The following CUX1 variants were observed in gnomAD, a reference collection of about 807,000 sequenced individuals.
CUX1 encodes the protein protein CASP.
Under a neutral mutation model 158.8 loss-of-function variants are expected in CUX1, and 31 were observed. The ratio of observed to expected loss-of-function variants is 0.20; its 90% CI spans 0.15 to 0.26. The LOEUF is 0.26. Among genes scored for constraint, CUX1 ranks in the 10% least tolerant of loss-of-function variants. The pLI, the probability that CUX1 is intolerant of heterozygous loss-of-function variation, is 1.00. For synonymous variants in CUX1, 879 were observed against 862.1 expected (o/e 1.02, Z -0.34); for missense variants, 1,589 against 2,014.6 (o/e 0.79, Z 4.04).
chr7:102,028,618 G>A (rs1238291824), intron 3 of CUX1, among the ~76,000 whole-genome samples: 1 of 152,224 alleles, frequency 6.6e-6, no homozygotes, highest in Non-Finnish European at 1.5e-5. Context: ...GCCACGAGGA[G>A]CAAGCCTAGG....
chr7:102,239,661 A>G (rs1799962905), intron 23 of CUX1, 77 bp downstream of exon 23: 1 of 1,521,604 alleles, frequency 6.6e-7, no homozygotes, highest in Admixed American at 2.0e-5. Context: ...GCCATGGCGC[A>G]CAGGGGTGAG....
intron 10 of CUX1, among the ~76,000 whole-genome samples, chr7:102,177,249 A>G (rs138073410): frequency 0.024 from 3,619 of 151,880 alleles, 73 homozygotes; most frequent in Non-Finnish European, 0.032. Flanking sequence ...CCCCATCTCT[A>G]CTAAAAATAC....
intron 2 of CUX1, among the ~76,000 whole-genome samples, chr7:101,995,627 G>A (rs1022769735): frequency 1.3e-5 from 2 of 152,168 alleles, no homozygotes; most frequent in African/African-American, 2.4e-5. Context: ...TCTTTTAGAC[G>A]ATAGTTGTCA....
intron 3 of CUX1, among the ~76,000 whole-genome samples, chr7:102,066,703 A>T (rs921232034): frequency 2.6e-5 from 4 of 152,330 alleles, no homozygotes; most frequent in African/African-American, 7.2e-5. Flanking sequence ...CTTCCTGGAC[A>T]GACTCTGCTA....
intron 1 of CUX1, among the ~76,000 whole-genome samples, chr7:101,904,003 A>C (rs1443216366): frequency 6.6e-6 from 1 of 152,074 alleles, no homozygotes; most frequent in African/African-American, 2.4e-5. Context: ...GTCTAAAATC[A>C]AAATTTTAGC....
At chr7:102,105,307 A>G (rs1830221602) in intron 6 of CUX1, among the ~76,000 whole-genome samples, 1 of 151,950 alleles carries the variant, frequency 6.6e-6, no homozygotes, top group Non-Finnish European at 1.5e-5. Context: ...CTCACATATC[A>G]GGGAGTTAGT....
intron 2 of CUX1, among the ~76,000 whole-genome samples, chr7:101,927,716 T>G (rs1563020478): frequency 2.6e-5 from 4 of 152,142 alleles, no homozygotes; most frequent in African/African-American, 7.2e-5. Context: ...AGACCTTATT[T>G]TGTTTGTTTG....
chr7:102,192,272 CGTG>C (rs1191274162), intron 12 of CUX1, among the ~76,000 whole-genome samples: 2 of 152,180 alleles, frequency 1.3e-5, no homozygotes, highest in Admixed American at 1.3e-4. Flanking sequence ...GACACTGAGA[CGTG>C]GTCTCCAATC....
intron 2 of CUX1, among the ~76,000 whole-genome samples, chr7:101,970,665 C>T (rs927349484): frequency 3.5e-4 from 54 of 152,274 alleles, no homozygotes; most frequent in African/African-American, 1.2e-3. Context: ...AGGCATTGCT[C>T]CTGCCTCAGC....
Position 102,252,109 on chromosome 7 carries a change from C to A in CUX1, c.*3067C>A, listed in dbSNP as rs1365417129. On this transcript the variant is annotated 3_prime_UTR_variant, in exon 24 of 24. Coordinates refer to ENST00000292535, the MANE Select transcript of CUX1 (RefSeq NM_181552.4). ...GCTTGCAGTTCTGTGTATTTTTTTT[C>A]CTCTATTATTTATTTTTTTAAAAAA... 2.0e-6 allele frequency: 2 copies of A among 983,548 alleles called. No individual in the cohort carries two copies. The highest frequency in any genetic ancestry group is 2.4e-6 in the Non-Finnish European group (2 of 828,772). 60.9% of individuals were successfully genotyped at this position (983,548 alleles called of 1,614,324 possible).
At chr7:102,006,876 C>T (rs912498612) in intron 2 of CUX1, among the ~76,000 whole-genome samples, 1 of 152,214 alleles carries the variant, frequency 6.6e-6, no homozygotes, top group South Asian at 2.1e-4. Context: ...AGCAAGAAGC[C>T]GTCCCCGCCC....
Position 102,250,427 on chromosome 7 carries a change from C to T in CUX1, c.*1385C>T. 1.0e-6 allele frequency: 1 copy of T among 985,538 alleles called. No individual in the cohort carries two copies. Among genetic ancestry groups the T allele is most frequent in the South Asian group, 4.7e-5 (1 of 21,284 alleles). 61.0% of individuals were successfully genotyped at this position (985,538 alleles called of 1,614,324 possible). ...CTGAGCCCTCCCAGGGGAAGACACT[C>T]CCCAGGCCTGGGCAGGGCTTACACG... On this transcript the variant is annotated 3_prime_UTR_variant, in exon 24 of 24. Transcript: ENST00000292535.
chr7:102,101,011 A>G (rs1383861530), intron 5 of CUX1, among the ~76,000 whole-genome samples: 12 of 152,260 alleles, frequency 7.9e-5, no homozygotes, highest in African/African-American at 2.6e-4. Context: ...GGCATGCCAC[A>G]GGACAAGAGA....
At chr7:102,232,690 G>A (rs1341433808) in intron 21 of CUX1, among the ~76,000 whole-genome samples, 4 of 152,178 alleles carry the variant, frequency 2.6e-5, no homozygotes, top group Non-Finnish European at 5.9e-5. Context: ...GGCCCTCAGA[G>A]AAGTGAGCCT....
chr7:102,218,669 C>T (rs1554525770), intron 20 of CUX1, among the ~76,000 whole-genome samples: 1 of 151,762 alleles, frequency 6.6e-6, no homozygotes, highest in Non-Finnish European at 1.5e-5. Flanking sequence ...GCCTGGGCAA[C>T]AGGGTGAGAC....
chr7:102,033,145 A>G (rs561073352), intron 3 of CUX1, among the ~76,000 whole-genome samples: 1 of 152,284 alleles, frequency 6.6e-6, no homozygotes, highest in East Asian at 1.9e-4. Flanking sequence ...TGAACTAAGC[A>G]TCGGCTTTAT....
chr7:102,228,676 G>A (rs531651534), intron 21 of CUX1, among the ~76,000 whole-genome samples: 1 of 152,290 alleles, frequency 6.6e-6, no homozygotes, highest in East Asian at 1.9e-4. Context: ...GTGCACGCCT[G>A]TAGTTCAGCT....
Position 102,204,402 on chromosome 7 carries a change from G to C in CUX1, c.2919G>C (p.Leu973=), listed in dbSNP as rs782422000. The stretch of plus-strand genomic sequence containing the variant: ...CGGTGCCACTCCAGGTGCTGGGCCT[G>C]TCCCAGGGCAGCGTCAGCGACATGC... ...QRIFGEKVLG[L]SQGSVSDMLS... Residue 973 remains leucine (L), a synonymous_variant, in exon 19 of 24, where the codon CTG becomes CTC. Transcript: ENST00000292535. 1.2e-6 allele frequency: 2 copies of C among 1,613,488 alleles called. No individual in the cohort carries two copies. The highest frequency in any genetic ancestry group is 3.3e-5 in the Admixed American group (2 of 60,022).
chr7:101,848,369 G>A (rs978652659), intron 1 of CUX1, among the ~76,000 whole-genome samples: 3 of 152,146 alleles, frequency 2.0e-5, no homozygotes, highest in African/African-American at 4.8e-5. Flanking sequence ...AATGTTCAGT[G>A]GGCAAATGAA....
Sources: allele counts gnomAD v4.1 joint callset (sites outside exome capture counted in the v4.1 genomes callset), GRCh38; gene constraint gnomAD v4.1.1; transcripts MANE v1.5; gene names NCBI Gene and HGNC (gene_info 2026-07-23, HGNC 2026-07-21).